Variants in TRHDE observed in about 807,000 individuals in gnomAD.
TRHDE encodes the protein thyrotropin releasing hormone degrading enzyme.
A neutral mutation model predicts 125.7 loss-of-function variants in TRHDE; 72 were observed. The observed-to-expected ratio is 0.57, with a 90% CI of 0.47 to 0.70. TRHDE has a LOEUF of 0.70. Ranked by LOEUF, TRHDE falls within the 30% of genes least tolerant of loss-of-function variation. The pLI is 0.00. For missense variants in TRHDE, 1,110 were observed against 1,327.1 expected (o/e 0.84, Z 2.54); for synonymous variants, 509 against 509.1 (o/e 1.00, Z 0.00).
chr12:72,510,375 C>A (rs542125302), intron 6 of TRHDE, among the ~76,000 whole-genome samples: 16 of 152,208 alleles, frequency 1.1e-4, no homozygotes, highest in Non-Finnish European at 2.4e-4. Flanking sequence ...TTTTAGTGTG[C>A]TATATGATGG....
At chr12:72,542,468 G>A in intron 7 of TRHDE, 112 bp downstream of exon 7, 1 of 764,830 alleles carries the variant, frequency 1.3e-6, no homozygotes, top group Non-Finnish European at 2.0e-6. Context: ...TTTAAGATGT[G>A]TAAGTTAAGC....
intron 2 of TRHDE, among the ~76,000 whole-genome samples, chr12:72,375,019 A>G (rs1292842664): frequency 1.3e-5 from 2 of 152,108 alleles, no homozygotes; most frequent in East Asian, 3.9e-4. Context: ...GAAAGCATAG[A>G]TTGGTGATGT....
chr12:72,273,036 C>T lies in TRHDE; in HGVS notation c.393C>T (p.Arg131=), dbSNP rs747190700. ...ADGGPSGFPE[R]GGNGSLPGSA... is the part of the protein sequence containing the mutation. ...GTGGCCCCTCAGGCTTTCCGGAGCG[C>T]GGCGGCAACGGGAGCCTCCCTGGAT... is the stretch of plus-strand genomic sequence containing the variant. The change falls in exon 1 of 19, where the codon CGC becomes CGT. Residue 131 remains arginine, a synonymous_variant. Coordinates refer to ENST00000261180, the MANE Select transcript of TRHDE (RefSeq NM_013381.3). This position sits in a 1 kb window ranked among gnomAD's most constrained non-coding sequence, Gnocchi z 5.3. 1 of 1,537,064 alleles carries T rather than the reference C, an allele frequency of 6.5e-7. No homozygotes were observed. Among genetic ancestry groups the T allele is most frequent in the South Asian group, 1.2e-5 (1 of 84,248 alleles).
At chr12:72,474,655 C>G (rs1360078580) in intron 5 of TRHDE, among the ~76,000 whole-genome samples, 1 of 152,050 alleles carries the variant, frequency 6.6e-6, no homozygotes, top group African/African-American at 2.4e-5. Flanking sequence ...TTTTCTTTAT[C>G]CATTCATCTG....
intron 5 of TRHDE, among the ~76,000 whole-genome samples, chr12:72,483,897 C>G (rs531102071): frequency 1.7e-4 from 26 of 151,868 alleles, no homozygotes; most frequent in African/African-American, 4.8e-4. Flanking sequence ...TTTATAAAAT[C>G]TATTGATCAA....
chr12:72,392,416 T>A (rs1051754462), intron 3 of TRHDE, among the ~76,000 whole-genome samples: 1 of 152,186 alleles, frequency 6.6e-6, no homozygotes, highest in Admixed American at 6.6e-5. Flanking sequence ...TCCTTAAATA[T>A]CTTTTACTCT....
intron 9 of TRHDE, 55 bp from the exon 10 acceptor site, chr12:72,568,513 G>T (rs1431557109): frequency 6.7e-6 from 9 of 1,335,826 alleles, no homozygotes; most frequent in Admixed American, 3.7e-5. Context: ...AATGTTTTTT[G>T]TTTTTGTTTC....
At chr12:72,282,505 A>T (rs1879732774) in intron 1 of TRHDE, among the ~76,000 whole-genome samples, 1 of 152,208 alleles carries the variant, frequency 6.6e-6, no homozygotes. Flanking sequence ...GAAATTCTGC[A>T]GGCACTGTTG....
intron 12 of TRHDE, among the ~76,000 whole-genome samples, chr12:72,603,649 G>A (rs1418208865): frequency 6.6e-6 from 1 of 151,936 alleles, no homozygotes; most frequent in Non-Finnish European, 1.5e-5. Flanking sequence ...GGCGAGAAAC[G>A]GGGAGGCGGA....
chr12:72,194,470 T>C (rs530182613), intron 2 of TRHDE, among the ~76,000 whole-genome samples: 1 of 152,222 alleles, frequency 6.6e-6, no homozygotes, highest in African/African-American at 2.4e-5. Flanking sequence ...GGAGGTTTGT[T>C]ACCTGGGTGA....
At chr12:72,510,298 G>T (rs1170480880) in intron 6 of TRHDE, among the ~76,000 whole-genome samples, 1 of 152,018 alleles carries the variant, frequency 6.6e-6, no homozygotes, top group African/African-American at 2.4e-5. Flanking sequence ...ACAGTATCTG[G>T]TATATTACAT....
chr12:72,450,557 G>T (rs1205178772), intron 3 of TRHDE, among the ~76,000 whole-genome samples: 1 of 151,988 alleles, frequency 6.6e-6, no homozygotes, highest in Non-Finnish European at 1.5e-5. Context: ...CAATTGTCAA[G>T]AATATAGTAC....
chr12:72,106,608 AGATCTTTTAC>A (rs1430559787), intron 2 of TRHDE, among the ~76,000 whole-genome samples: 2 of 152,154 alleles, frequency 1.3e-5, no homozygotes, highest in Admixed American at 6.6e-5. Flanking sequence ...GATCCCTCAG[AGATCTTTTAC>A]CTGTTTGAAA....
At chr12:72,170,230 A>G (rs1331567734) in intron 2 of TRHDE, among the ~76,000 whole-genome samples, 3 of 152,208 alleles carry the variant, frequency 2.0e-5, no homozygotes, top group Non-Finnish European at 2.9e-5. Context: ...AGTAGATAAC[A>G]AGAATATGAG....
chr12:72,113,619 T>C (rs1024139369), intron 2 of TRHDE, among the ~76,000 whole-genome samples: 8 of 152,040 alleles, frequency 5.3e-5, no homozygotes, highest in African/African-American at 1.4e-4. Context: ...ATTACATGAT[T>C]GGTTCCTTTG....
At position 72,209,996 on chromosome 12, in the gene TRHDE, T is replaced by C. The variant is rs555270790; in HGVS notation, n.279+104244T>C. On this transcript the variant is annotated intron_variant and non_coding_transcript_variant, in intron 2 of 4. Coordinates refer to the TRHDE transcript ENST00000548156. ...TTGTTGAGGCCTAAAAAAGAATAAA[T>C]GATAAGGACATTATTTAAGAGGTTG... is the stretch of plus-strand genomic sequence containing the variant. 2.0e-5 allele frequency among the ~76,000 whole-genome samples: 3 copies of C among 152,230 alleles called. No individual in the cohort carries two copies. In the East Asian group the frequency reaches 5.8e-4, roughly 29 times the overall value.
At chr12:72,443,412 T>C (rs1875119794) in intron 3 of TRHDE, among the ~76,000 whole-genome samples, 1 of 151,790 alleles carries the variant, frequency 6.6e-6, no homozygotes, top group African/African-American at 2.4e-5. Context: ...ATATTGCACT[T>C]ACTATGTACT....
chr12:72,201,849 T>C (rs539137591), intron 2 of TRHDE, among the ~76,000 whole-genome samples: 4 of 152,340 alleles, frequency 2.6e-5, no homozygotes, highest in African/African-American at 9.6e-5. Context: ...TCTCTGTCTT[T>C]GCTTATGTCA....
intron 3 of TRHDE, among the ~76,000 whole-genome samples, chr12:72,424,288 C>A (rs1251438305): frequency 6.6e-6 from 1 of 152,070 alleles, no homozygotes; most frequent in Non-Finnish European, 1.5e-5. Flanking sequence ...GACATTCTTC[C>A]TGTGTGTCTC....
Sources: gnomAD v4.1 joint callset for allele counts (sites outside exome capture counted in the v4.1 genomes callset) on GRCh38, gnomAD v4.1.1 for gene constraint, Gnocchi (gnomAD v3.1) non-coding constraint, MANE v1.5 for transcripts, NCBI Gene and HGNC (gene_info 2026-07-23, HGNC 2026-07-21) for gene names.